KRT77: variants seen among roughly 807,000 people sequenced by gnomAD.
The protein encoded by KRT77 is keratin, type II cytoskeletal 1b.
KRT77 carries 44 observed loss-of-function variants against 51.5 expected under a neutral mutation model. The ratio of observed to expected loss-of-function variants is 0.85; its 90% CI spans 0.67 to 1.10. KRT77 has a LOEUF of 1.10. Among genes scored for constraint, KRT77 ranks in the 50% least tolerant of loss-of-function variants. KRT77 has a pLI of 0.00. For missense variants in KRT77, 763 were observed against 743.9 expected, an observed-to-expected ratio of 1.03 and a Z score of -0.30; for synonymous variants, 293 against 302.0, an observed-to-expected ratio of 0.97 and a Z score of 0.31.
At position 52,698,983 on chromosome 12, in the gene KRT77, C is replaced by T. The variant is rs150187343; in HGVS notation, c.544-1087G>A. ...ATCCCCCGGCCCTTGAGACTCCGCC[C>T]CTCTGAGGGGCCAACCCTGGTTAGC... On this transcript the variant is annotated intron_variant, in intron 1 of 8. Transcript: ENST00000341809. Among the ~76,000 whole-genome samples the T allele has an allele frequency of 2.1e-4, 32 of 152,332 alleles. No individual in the cohort carries two copies. The East Asian group carries it at 6.0e-3, about 29-fold the overall frequency.
Position 52,698,244 on chromosome 12 carries a change from C to A in KRT77, c.544-348G>T, listed in dbSNP as rs575632477. On this transcript the variant is annotated intron_variant, in intron 1 of 8. Coordinates refer to ENST00000341809, the MANE Select transcript of KRT77 (RefSeq NM_175078.3). ...TTCGGAGCATCTGAGACACTGATGA[C>A]CCCAAGGTTCCTTTCTCTTTGTGGT... The A allele has an allele frequency of 7.4e-5, 60 of 814,506 alleles. 1 individual carries two copies. The highest frequency in any genetic ancestry group is 5.2e-4 in the Middle Eastern group (2 of 3,816). The allele number at this position is 814,506 out of a possible 1,614,324, so 50.5% of individuals were successfully genotyped here. A position where few individuals can be genotyped will look rare whatever the true frequency, so the allele number is the denominator to read the frequency against.
In KRT77 at chr12:52,692,874, C is replaced by T. The variant is rs1485242619; in HGVS notation, c.1087G>A (p.Glu363Lys). The T allele has an allele frequency of 6.2e-7, 1 of 1,603,810 alleles. No homozygotes were observed. The highest frequency in any genetic ancestry group is 1.3e-5 in the African/African-American group (1 of 74,706). The change falls in exon 6 of 9, where the codon GAG (glutamate) becomes AAG (lysine). Residue 363 changes from glutamate (E) to lysine (K), a missense_variant. Coordinates refer to ENST00000341809, the MANE Select transcript of KRT77 (RefSeq NM_175078.3). The stretch of plus-strand genomic sequence containing the variant: ...TGTCTCCCTGCCGTGATCTGGAGCT[C>T]CTGGTACTGGGGCCAAAGGCAGCAT... ...AEALYQTKYQ[E>K]LQITAGRHGD...
At position 52,691,454 on chromosome 12, in the gene KRT77, C is replaced by G; in HGVS notation, c.1463-15G>C. ...GTTCTGCACGGCTGTGGGTAGGGGA[C>G]AGTGCACACGGGGTCAGAGGGACCG... On this transcript the variant is annotated splice_polypyrimidine_tract_variant and intron_variant, in intron 8 of 8. Transcript: ENST00000341809. 6.4e-7 allele frequency: 1 copy of G among 1,566,124 alleles called. No individual in the cohort carries two copies.
chr12:52,698,531 G>T (rs1333603844), intron 1 of KRT77, among the ~76,000 whole-genome samples: 1 of 152,178 alleles, frequency 6.6e-6, no homozygotes, highest in Non-Finnish European at 1.5e-5. Flanking sequence ...GAGGACTTTG[G>T]GTTGTCAGGT....
At position 52,694,546 on chromosome 12, in the gene KRT77, A is replaced by G. The variant is rs553889516; in HGVS notation, c.1080+80T>C. The G allele has an allele frequency of 1.4e-4, 191 of 1,332,090 alleles. 1 individual carries two copies. In the African/African-American group the frequency reaches 2.6e-3, roughly 18 times the overall value. 82.5% of individuals were successfully genotyped at this position (1,332,090 alleles called of 1,614,324 possible). A position where few individuals can be genotyped will look rare whatever the true frequency, so the allele number is the denominator to read the frequency against. On this transcript the variant is annotated intron_variant, in intron 5 of 8. Transcript: ENST00000341809. ...AAACACATTTTACTTCAGAAATAAG[A>G]GAAAGACAATGCAATAAGAGAAAGA...
chr12:52,691,878 C>T (rs1941714664), intron 8 of KRT77, 60 bp downstream of exon 8: 8 of 1,602,962 alleles, frequency 5.0e-6, no homozygotes, highest in Non-Finnish European at 6.8e-6. Context: ...TGGCCACCTC[C>T]TGGCCCTCCC....
At chr12:52,696,679 G>C in intron 2 of KRT77, 1 of 482,200 alleles carries the variant, frequency 2.1e-6, no homozygotes, top group Non-Finnish European at 3.7e-6. Context: ...GAGCCACAGA[G>C]AAGGTCCCTG....
At chr12:52,697,273 A>G (rs1320868555) in intron 2 of KRT77, among the ~76,000 whole-genome samples, 3 of 152,264 alleles carry the variant, frequency 2.0e-5, no homozygotes, top group Non-Finnish European at 2.9e-5. Context: ...ATCTGATTCC[A>G]GCAAACAGAT....
In KRT77 at chr12:52,691,347, AG is replaced by A. The variant is rs2121039299; in HGVS notation, c.1554del (p.Tyr519MetfsTer103). Reference protein sequence around the residue: ...SGGYGGGSGGGYGGGRSYRGG... With the variant: ...SGGYGGGSGGXYGGGRSYRGG... The stretch of plus-strand genomic sequence containing the variant: ...CCGCGGTAGCTTCTTCCGCCGCCAT[AG>A]CCCCCACCGCTGCCGCCGCCGTAGC... On this transcript the variant is annotated frameshift_variant, in exon 9 of 9. Transcript: ENST00000341809. LOFTEE classifies it low-confidence loss of function (END_TRUNC). The A allele has an allele frequency of 6.3e-7, 1 of 1,594,512 alleles. No homozygotes were observed. The highest frequency in any genetic ancestry group is 1.3e-5 in the African/African-American group (1 of 74,636).
chr12:52,695,733 TG>T (rs1346839063), intron 4 of KRT77, 38 bp downstream of exon 4: 2 of 1,410,378 alleles, frequency 1.4e-6, no homozygotes, highest in Non-Finnish European at 2.0e-6. Flanking sequence ...TTGTGAGATG[TG>T]AGAAAAGAAA....
chr12:52,702,811 G>T, intron 1 of KRT77, 81 bp downstream of exon 1: 1 of 1,385,784 alleles, frequency 7.2e-7, no homozygotes. Context: ...ACAGCACGAT[G>T]TGGTGAGAGG....
chr12:52,695,748 G>C (rs368099314), intron 4 of KRT77, 24 bp downstream of exon 4: 4 of 1,526,540 alleles, frequency 2.6e-6, no homozygotes, highest in Non-Finnish European at 3.6e-6. Context: ...AAAGAAAGGA[G>C]GTTCTTATAA....
Position 52,703,158 on chromosome 12 carries a change from C to T in KRT77, c.277G>A (p.Gly93Arg). Residue 93 changes from glycine to arginine, a missense_variant, in exon 1 of 9, where the codon GGG becomes AGG. Gly to Arg is a moderately radical substitution (Grantham distance 125). Coordinates refer to ENST00000341809, the MANE Select transcript of KRT77 (RefSeq NM_175078.3). ...CTGCCAACCCCAAAGCCTCTGCCCC[C>T]TCCAAATCCCCCTACTCCCCCACCC... ...CQGGGVGGFGGGRGFGVGSTG... is the reference protein window; with the variant it reads ...CQGGGVGGFGRGRGFGVGSTG... The T allele has an allele frequency of 6.2e-7, 1 of 1,609,516 alleles. No individual in the cohort carries two copies.
chr12:52,694,898 G>A (rs1201620063), intron 4 of KRT77, 108 bp from the exon 5 acceptor site: 1 of 977,720 alleles, frequency 1.0e-6, no homozygotes, highest in African/African-American at 1.6e-5. Context: ...GCCTGGGCCA[G>A]GTAGTCTTGG....
chr12:52,700,201 C>T (rs1172714940), intron 1 of KRT77, among the ~76,000 whole-genome samples: 1 of 152,202 alleles, frequency 6.6e-6, no homozygotes, highest in Non-Finnish European at 1.5e-5. Context: ...GAGCAATTCT[C>T]ATATGTCAGG....
chr12:52,691,360 G>T lies in KRT77; in HGVS notation c.1542C>A (p.Gly514=), dbSNP rs1279366147. The T allele has an allele frequency of 1.3e-6, 2 of 1,594,898 alleles. No homozygotes were observed. ...TTCCGCCGCCATAGCCCCCACCGCT[G>T]CCGCCGCCGTAGCCTCCTGAGCCGT... ...GSYGSGGYGG[G]SGGGYGGGRS... is the part of the protein sequence containing the mutation. Residue 514 remains glycine, a synonymous_variant, in exon 9 of 9, where the codon GGC becomes GGA. Coordinates refer to ENST00000341809, the MANE Select transcript of KRT77 (RefSeq NM_175078.3).
intron 4 of KRT77, among the ~76,000 whole-genome samples, 186 bp downstream of exon 4, chr12:52,695,586 C>T (rs1365108530): frequency 2.0e-5 from 3 of 152,178 alleles, no homozygotes; most frequent in Non-Finnish European, 2.9e-5. Flanking sequence ...TTCATTACCC[C>T]GACCTGGGGA....
At position 52,697,863 on chromosome 12, in the gene KRT77, G is replaced by C. The variant is rs777112218; in HGVS notation, c.577C>G (p.Gln193Glu). 6.2e-7 allele frequency: 1 copy of C among 1,613,904 alleles called. No individual in the cohort carries two copies. The highest frequency in any genetic ancestry group is 2.2e-5 in the East Asian group (1 of 44,860). Residue 193 changes from glutamine (Q) to glutamate (E), a missense_variant, in exon 2 of 9, where the codon CAA becomes GAA. Coordinates refer to ENST00000341809, the MANE Select transcript of KRT77 (RefSeq NM_175078.3). ...RFLEQQNQVL[Q>E]TKWELLQQVN... Reference sequence around the variant, plus strand: ...TGCTGCAGCAACTCCCATTTTGTTTGTAGCACCTGGTTCTGCTGCTCCAGG... The same window carrying C: ...TGCTGCAGCAACTCCCATTTTGTTTCTAGCACCTGGTTCTGCTGCTCCAGG...
At chr12:52,693,250 C>G (rs73094670) in intron 5 of KRT77, among the ~76,000 whole-genome samples, 23,780 of 150,172 alleles carry the variant, frequency 0.16, 3,472 homozygotes, top group Middle Eastern at 0.3. Context: ...TAGCTTCCCA[C>G]CCTTTTCCAG....
Sources: gnomAD v4.1 joint callset for allele counts (sites outside exome capture counted in the v4.1 genomes callset) on GRCh38, gnomAD v4.1.1 for gene constraint, MANE v1.5 for transcripts, NCBI Gene and HGNC (gene_info 2026-07-23, HGNC 2026-07-21) for gene names.